Variants in RPS6KC1 observed in about 807,000 individuals in gnomAD.
RPS6KC1 encodes the protein ribosomal protein S6 kinase C1.
Under a neutral mutation model 103.8 loss-of-function variants are expected in RPS6KC1, and 54 were observed. That is an observed-to-expected ratio of 0.52 (90% CI 0.42 to 0.65). RPS6KC1 has a LOEUF of 0.65. RPS6KC1 is among the 30% of genes least tolerant of loss of function. The probability of loss-of-function intolerance (pLI) is 0.00; values close to 1 mark genes in which losing one functional copy is unlikely to be tolerated. For missense variants in RPS6KC1, 1,151 were observed against 1,253.8 expected (o/e 0.92, Z 1.24); for synonymous variants, 439 against 438.7 (o/e 1.00, Z -0.01).
chr1:213,591,948 C>T, the RPS6KC1 span, among the ~76,000 whole-genome samples: 1 of 152,172 alleles, frequency 6.6e-6, no homozygotes, highest in African/African-American at 2.4e-5. Context: ...GGAGCATGAC[C>T]TTGGGACAGG....
chr1:213,598,816 G>A, the RPS6KC1 span, among the ~76,000 whole-genome samples: 1 of 152,108 alleles, frequency 6.6e-6, no homozygotes, highest in African/African-American at 2.4e-5. Context: ...AACTACTCTG[G>A]AGACTGAGGC....
intron 12 of RPS6KC1, among the ~76,000 whole-genome samples, chr1:213,250,459 A>G (rs966291343): frequency 9.9e-5 from 15 of 152,232 alleles, no homozygotes; most frequent in South Asian, 2.1e-4. Flanking sequence ...TAGGCAGTCA[A>G]TGTTTTCTGA....
the RPS6KC1 span, among the ~76,000 whole-genome samples, chr1:213,632,000 C>T: frequency 4.6e-5 from 7 of 152,186 alleles, no homozygotes; most frequent in Non-Finnish European, 1.0e-4. Flanking sequence ...TAAATGGAAT[C>T]ATACAGTATG....
At chr1:213,171,616 C>T (rs561242761) in intron 7 of RPS6KC1, among the ~76,000 whole-genome samples, 92 of 152,122 alleles carry the variant, frequency 6.0e-4, no homozygotes, top group Non-Finnish European at 1.2e-3. Context: ...GTGTGCCTTT[C>T]CTGAATATTT....
the RPS6KC1 span, among the ~76,000 whole-genome samples, chr1:213,625,770 TA>T: frequency 6.2e-4 from 94 of 152,342 alleles, no homozygotes; most frequent in Middle Eastern, 3.4e-3. Flanking sequence ...CATCATTTTT[TA>T]TGGCTGCATA....
At chr1:213,359,154 G>A in the RPS6KC1 span, among the ~76,000 whole-genome samples, 1 of 152,076 alleles carries the variant, frequency 6.6e-6, no homozygotes, top group African/African-American at 2.4e-5. Flanking sequence ...TTGACAGTGG[G>A]GTGTTAAAGT....
chr1:213,659,338 C>T, the RPS6KC1 span, among the ~76,000 whole-genome samples: 20 of 152,154 alleles, frequency 1.3e-4, no homozygotes, highest in African/African-American at 4.8e-4. Flanking sequence ...TCCATCCTTT[C>T]TTATTCTGAT....
chr1:213,607,688 TACACACAC>T, the RPS6KC1 span, among the ~76,000 whole-genome samples: 75 of 140,900 alleles, frequency 5.3e-4, no homozygotes, highest in African/African-American at 9.8e-4. Flanking sequence ...CAGTTGCAAT[TACACACAC>T]ACACACACAC....
At chr1:213,369,448 G>C in the RPS6KC1 span, among the ~76,000 whole-genome samples, 1 of 152,226 alleles carries the variant, frequency 6.6e-6, no homozygotes, top group Non-Finnish European at 1.5e-5. Context: ...TCCTGGGGGT[G>C]GGAAGGGCAC....
the RPS6KC1 span, among the ~76,000 whole-genome samples, chr1:213,807,613 C>T: frequency 1.3e-5 from 2 of 152,126 alleles, no homozygotes; most frequent in African/African-American, 4.8e-5. Context: ...GTTCTTGAGC[C>T]TTGGCTTTCA....
chr1:213,331,514 G>T, the RPS6KC1 span, among the ~76,000 whole-genome samples: 1 of 152,218 alleles, frequency 6.6e-6, no homozygotes, highest in Non-Finnish European at 1.5e-5. Flanking sequence ...ACACAGGGAT[G>T]AAGGAGATGA....
At chr1:213,717,623 T>C in the RPS6KC1 span, among the ~76,000 whole-genome samples, 3 of 152,200 alleles carry the variant, frequency 2.0e-5, no homozygotes, top group African/African-American at 7.2e-5. Flanking sequence ...TTCTGAGTCA[T>C]GGCAGCCATT....
intron 12 of RPS6KC1, among the ~76,000 whole-genome samples, chr1:213,253,618 C>T (rs1351064008): frequency 1.3e-5 from 2 of 152,142 alleles, no homozygotes; most frequent in Non-Finnish European, 2.9e-5. Flanking sequence ...ATGTCTTTGA[C>T]AAATCCATGC....
intron 5 of RPS6KC1, among the ~76,000 whole-genome samples, chr1:213,127,486 A>G (rs2085111543): frequency 6.6e-6 from 1 of 152,228 alleles, no homozygotes; most frequent in Non-Finnish European, 1.5e-5. Context: ...GGTCGTCTTG[A>G]GGAAAAGCAC....
the RPS6KC1 span, chr1:213,839,620 C>T: frequency 2.0e-5 from 3 of 152,294 alleles, no homozygotes; most frequent in East Asian, 5.8e-4. Flanking sequence ...CCTCATTCCT[C>T]CTGCAGGGTC....
chr1:213,169,243 A>G (rs2091268169), intron 7 of RPS6KC1, among the ~76,000 whole-genome samples: 1 of 152,188 alleles, frequency 6.6e-6, no homozygotes, highest in Non-Finnish European at 1.5e-5. Context: ...TGAAAATGAT[A>G]AGATAGCAGT....
the RPS6KC1 span, among the ~76,000 whole-genome samples, chr1:213,447,983 C>G: frequency 6.6e-6 from 1 of 151,958 alleles, no homozygotes; most frequent in African/African-American, 2.4e-5. Context: ...GTAATCCCAA[C>G]ACTTTGGGAA....
chr1:213,407,457 C>A, the RPS6KC1 span, among the ~76,000 whole-genome samples: 32,449 of 152,026 alleles, frequency 0.21, 3,625 homozygotes, highest in Middle Eastern at 0.36. Context: ...CCCTGACATC[C>A]ACAACCACAA....
the RPS6KC1 span, among the ~76,000 whole-genome samples, chr1:213,356,010 C>T: frequency 4.6e-5 from 7 of 152,172 alleles, no homozygotes; most frequent in African/African-American, 1.7e-4. Context: ...GTGTTCAGAA[C>T]GGTGCCTGCT....
Sources: gnomAD v4.1 joint callset for allele counts (sites outside exome capture counted in the v4.1 genomes callset) on GRCh38, gnomAD v4.1.1 for gene constraint, MANE v1.5 for transcripts, NCBI Gene and HGNC (gene_info 2026-07-23, HGNC 2026-07-21) for gene names.